TYW1: variants seen among roughly 807,000 people sequenced by gnomAD.
TYW1 encodes the protein S-adenosyl-L-methionine-dependent tRNA 4-demethylwyosine synthase TYW1.
Under a neutral mutation model 96.2 loss-of-function variants are expected in TYW1, and 46 were observed. The ratio of observed to expected loss-of-function variants is 0.48; its 90% CI spans 0.38 to 0.61. The LOEUF (loss-of-function observed/expected upper bound fraction) is 0.61. Among genes scored for constraint, TYW1 ranks in the 20% least tolerant of loss-of-function variants. The probability of loss-of-function intolerance (pLI) is 0.00; values close to 1 mark genes in which losing one functional copy is unlikely to be tolerated. For synonymous variants in TYW1, 274 were observed against 323.0 expected (o/e 0.85, Z 1.63); for missense variants, 684 against 909.6 (o/e 0.75, Z 3.19).
chr7:67,111,208 C>CT (rs886800294), intron 12 of TYW1, among the ~76,000 whole-genome samples: 76 of 147,096 alleles, frequency 5.2e-4, no homozygotes, highest in Middle Eastern at 3.6e-3. Context: ...TTTTCTTATC[C>CT]TTTTTTTTTT....
At chr7:67,012,677 G>A (rs143303920) in intron 4 of TYW1, among the ~76,000 whole-genome samples, 75 of 152,210 alleles carry the variant, frequency 4.9e-4, no homozygotes, top group Non-Finnish European at 8.7e-4. Flanking sequence ...TTTCTGGAGC[G>A]CTGACAGGAG....
intron 8 of TYW1, among the ~76,000 whole-genome samples, chr7:67,050,573 A>T (rs1584502544): frequency 1.3e-5 from 2 of 152,144 alleles, no homozygotes; most frequent in East Asian, 3.9e-4. Flanking sequence ...CTTTTATGTG[A>T]CCGTTCTGGC....
intron 13 of TYW1, among the ~76,000 whole-genome samples, chr7:67,149,319 A>T (rs6974485): frequency 0.26 from 39,576 of 152,158 alleles, 5,646 homozygotes; most frequent in African/African-American, 0.38. Flanking sequence ...TTGAAAACCT[A>T]TATTAGTGCA....
intron 15 of TYW1, among the ~76,000 whole-genome samples, chr7:67,237,373 G>C (rs1801921427): frequency 6.6e-6 from 1 of 152,000 alleles, no homozygotes; most frequent in Non-Finnish European, 1.5e-5. Flanking sequence ...GCTGGCAGGA[G>C]CCAGTAGTCC....
intron 10 of TYW1, among the ~76,000 whole-genome samples, chr7:67,074,830 G>A (rs118036280): frequency 0.02 from 2,987 of 151,120 alleles, 45 homozygotes; most frequent in Non-Finnish European, 0.031. Context: ...TATGACAGTG[G>A]GTTTTTTTTT....
Position 67,239,361 on chromosome 7 carries a change from G to T in TYW1, c.*832G>T. ...CGGGTCTCCATCTTCTTTCACTCCT[G>T]TGGCCCTGGCTGCTTTACACAATCT... On this transcript the variant is annotated 3_prime_UTR_variant, in exon 16 of 16. Transcript: ENST00000359626. 1 of 985,284 alleles carries T rather than the reference G, an allele frequency of 1.0e-6. No homozygotes were observed. Among genetic ancestry groups the T allele is most frequent in the Non-Finnish European group, 1.2e-6 (1 of 829,838 alleles). 61.0% of individuals were successfully genotyped at this position (985,284 alleles called of 1,614,324 possible).
At chr7:67,088,704 C>G (rs1291453650) in intron 11 of TYW1, among the ~76,000 whole-genome samples, 2 of 152,006 alleles carry the variant, frequency 1.3e-5, no homozygotes, top group Admixed American at 6.5e-5. Context: ...TCTGGGATTA[C>G]AGGCACATGC....
chr7:67,123,236 G>T (rs1797814588), intron 13 of TYW1, among the ~76,000 whole-genome samples: 1 of 152,006 alleles, frequency 6.6e-6, no homozygotes, highest in African/African-American at 2.4e-5. Flanking sequence ...TAACTTTCAT[G>T]TAAACCGTGG....
intron 7 of TYW1, among the ~76,000 whole-genome samples, chr7:67,028,935 T>C (rs942668554): frequency 6.6e-6 from 1 of 152,144 alleles, no homozygotes; most frequent in Non-Finnish European, 1.5e-5. Context: ...AATAACACTA[T>C]GGTGGATTGA....
chr7:67,017,100 G>A (rs1180212568), intron 5 of TYW1, among the ~76,000 whole-genome samples: 1 of 148,780 alleles, frequency 6.7e-6, no homozygotes, highest in Admixed American at 6.9e-5. Flanking sequence ...CTCATGACTC[G>A]ACCTTACAAG....
intron 9 of TYW1, among the ~76,000 whole-genome samples, chr7:67,056,722 A>G (rs1795529968): frequency 6.6e-6 from 1 of 152,182 alleles, no homozygotes; most frequent in South Asian, 2.1e-4. Context: ...TTTGGCTATT[A>G]TGAAAAAAAG....
intron 13 of TYW1, among the ~76,000 whole-genome samples, chr7:67,182,414 C>G (rs2116301804): frequency 6.6e-6 from 1 of 152,182 alleles, no homozygotes; most frequent in South Asian, 2.1e-4. Flanking sequence ...AATTTTTAAA[C>G]TTAGCCAGGC....
At chr7:67,046,782 AATTTTGTTTGTCCTG>A (rs1465078989) in intron 7 of TYW1, among the ~76,000 whole-genome samples, 5 of 152,126 alleles carry the variant, frequency 3.3e-5, no homozygotes. Flanking sequence ...AGGAGTGATG[AATTTTGTTTGTCCTG>A]AGTGCTCAAG....
At chr7:67,003,270 T>C (rs1793465599) in intron 3 of TYW1, among the ~76,000 whole-genome samples, 1 of 152,190 alleles carries the variant, frequency 6.6e-6, no homozygotes, top group Non-Finnish European at 1.5e-5. Context: ...TCCTTCCAAT[T>C]GCTTGGTCCA....
chr7:67,151,441 A>G (rs1374236263), intron 13 of TYW1, among the ~76,000 whole-genome samples: 1 of 152,048 alleles, frequency 6.6e-6, no homozygotes, highest in African/African-American at 2.4e-5. Context: ...AGAACCTTCT[A>G]CTGCTCTGCC....
chr7:67,071,208 G>T (rs1423239491), intron 10 of TYW1, among the ~76,000 whole-genome samples: 2 of 151,874 alleles, frequency 1.3e-5, no homozygotes, highest in Non-Finnish European at 2.9e-5. Flanking sequence ...CACTCTTCAG[G>T]GTTTGTTTTT....
chr7:67,093,892 G>A (rs1796802191), intron 11 of TYW1, among the ~76,000 whole-genome samples: 1 of 152,154 alleles, frequency 6.6e-6, no homozygotes, highest in African/African-American at 2.4e-5. Context: ...ACATGTGCAT[G>A]TTATTTACAT....
chr7:67,107,387 C>G (rs1797275863), intron 12 of TYW1, among the ~76,000 whole-genome samples: 1 of 152,148 alleles, frequency 6.6e-6, no homozygotes, highest in Non-Finnish European at 1.5e-5. Context: ...AATTTTCTCT[C>G]CTGTCTTTGA....
chr7:67,162,238 C>T (rs1799184245), intron 13 of TYW1, among the ~76,000 whole-genome samples: 1 of 147,552 alleles, frequency 6.8e-6, no homozygotes, highest in South Asian at 2.2e-4. Context: ...GGCGTGAACC[C>T]GGGAGGCAGA....
Sources: gnomAD v4.1 joint callset for allele counts (sites outside exome capture counted in the v4.1 genomes callset) on GRCh38, gnomAD v4.1.1 for gene constraint, MANE v1.5 for transcripts, NCBI Gene and HGNC (gene_info 2026-07-23, HGNC 2026-07-21) for gene names.